MTA2: variants seen among roughly 807,000 people sequenced by gnomAD.
The protein encoded by MTA2 is metastasis associated 1 family member 2, also known as metastasis-associated protein MTA2.
Under a neutral mutation model 87.1 loss-of-function variants are expected in MTA2, and 22 were observed. The observed-to-expected ratio is 0.25, with a 90% CI of 0.18 to 0.36. MTA2 has a LOEUF of 0.36. Ranked by LOEUF, MTA2 falls within the 10% of genes least tolerant of loss-of-function variation. The pLI is 1.00. For missense variants in MTA2, 542 were observed against 853.2 expected (o/e 0.64, Z 4.54); for synonymous variants, 314 against 310.1 (o/e 1.01, Z -0.13).
chr11:62,596,696 G>C lies in MTA2; in HGVS notation c.823C>G (p.Leu275Val). 8 of 1,614,050 alleles carry C rather than the reference G, an allele frequency of 5.0e-6. No individual in the cohort carries two copies. Among genetic ancestry groups the C allele is most frequent in the Non-Finnish European group, 6.8e-6 (8 of 1,179,960 alleles). The change falls in exon 9 of 18, where the codon CTA becomes GTA. Residue 275 changes from leucine to valine, a missense_variant. Physicochemically the swap from Leu to Val is conservative, Grantham distance 32. Transcript: ENST00000278823. ...MEEWSASEAMLFEEALEKYGK... is the reference protein window; with the variant it reads ...MEEWSASEAMVFEEALEKYGK... The stretch of plus-strand genomic sequence containing the variant: ...TACTTCTCTAGGGCCTCCTCAAATA[G>C]CATGGCCTCTGAGGCTGACCATTCC...
chr11:62,595,309 G>T lies in MTA2; in HGVS notation c.1438C>A (p.Arg480=). ...RDLLQPRRAA[R]RPYAPINANA... Reference sequence around the variant, plus strand: ...GCATTGATAGGAGCATAAGGCCGTCGGGCGGCCCTCCTTGGCTGTAATAGG... The same window carrying T: ...GCATTGATAGGAGCATAAGGCCGTCTGGCGGCCCTCCTTGGCTGTAATAGG... The change falls in exon 14 of 18, where the codon CGA becomes AGA. Residue 480 remains arginine (R), a synonymous_variant. Transcript: ENST00000278823. The surrounding 1 kb of genome is among the most constrained non-coding windows in gnomAD (Gnocchi z 4.9). 6.2e-7 allele frequency: 1 copy of T among 1,614,180 alleles called. No homozygotes were observed.
chr11:62,595,918 A>G lies in MTA2; in HGVS notation c.1115-27T>C. On this transcript the variant is annotated intron_variant, in intron 12 of 17. Transcript: ENST00000278823. The surrounding 1 kb of genome is among the most constrained non-coding windows in gnomAD (Gnocchi z 4.9). ...TGTAGAGTACGGAGAGGAGGGGGAC[A>G]GGGAAGAAGCATACTACCTAAGCCC... 6.2e-7 allele frequency: 1 copy of G among 1,614,124 alleles called. No homozygotes were observed. Among genetic ancestry groups the G allele is most frequent in the Non-Finnish European group, 8.5e-7 (1 of 1,180,022 alleles).
At position 62,596,699 on chromosome 11, in the gene MTA2, T is replaced by C; in HGVS notation, c.820A>G (p.Met274Val). The change falls in exon 9 of 18, where the codon ATG (methionine) becomes GTG (valine). Residue 274 changes from methionine (M) to valine (V), a missense_variant. Coordinates refer to ENST00000278823, the MANE Select transcript of MTA2 (RefSeq NM_004739.4). ...EMEEWSASEAMLFEEALEKYG... is the reference protein window; with the variant it reads ...EMEEWSASEAVLFEEALEKYG... ...TTCTCTAGGGCCTCCTCAAATAGCATGGCCTCTGAGGCTGACCATTCCTCC... is the reference window on the plus strand; with the variant it reads ...TTCTCTAGGGCCTCCTCAAATAGCACGGCCTCTGAGGCTGACCATTCCTCC... 1.9e-6 allele frequency: 3 copies of C among 1,614,104 alleles called. No homozygotes were observed. The highest frequency in any genetic ancestry group is 2.5e-6 in the Non-Finnish European group (3 of 1,179,972).
At position 62,594,946 on chromosome 11, in the gene MTA2, G is replaced by T. The variant is rs748040459; in HGVS notation, c.1573+35C>A. 9 of 1,583,194 alleles carry T rather than the reference G, an allele frequency of 5.7e-6. No homozygotes were observed. In the African/African-American group the frequency reaches 1.2e-4, roughly 21 times the overall value. ...ATGTCAGACAGGGAAAGGACTGGGA[G>T]CCTGATGCCAACCTCACTGGTCCCC... On this transcript the variant is annotated intron_variant, in intron 15 of 17. Coordinates refer to ENST00000278823, the MANE Select transcript of MTA2 (RefSeq NM_004739.4).
At chr11:62,600,099 A>T in intron 3 of MTA2, 67 bp downstream of exon 3, 1 of 1,433,574 alleles carries the variant, frequency 7.0e-7, no homozygotes, top group Non-Finnish European at 9.8e-7. Context: ...CAGGGGAAAT[A>T]CCTGCAGGGA....
In MTA2 at chr11:62,601,743, C is replaced by A. The variant is rs1329754840; in HGVS notation, c.-293G>T. Reference sequence around the variant, plus strand: ...GGCCAGAGCCAGGCTCCAGCTACCCCCGCCCCCGCGGAGTCCCACTAGTCG... The same window carrying A: ...GGCCAGAGCCAGGCTCCAGCTACCCACGCCCCCGCGGAGTCCCACTAGTCG... On this transcript the variant is annotated 5_prime_UTR_variant, in exon 1 of 18. Coordinates refer to ENST00000278823, the MANE Select transcript of MTA2 (RefSeq NM_004739.4). The A allele has an allele frequency of 1.9e-6, 1 of 515,496 alleles. No individual in the cohort carries two copies. The allele number at this position is 515,496 out of a possible 1,614,324, so 31.9% of individuals were successfully genotyped here.
intron 7 of MTA2, 91 bp downstream of exon 7, chr11:62,597,519 A>C (rs1942115669): frequency 1.3e-6 from 2 of 1,497,326 alleles, no homozygotes; most frequent in Non-Finnish European, 1.8e-6. Flanking sequence ...CATGGCAATG[A>C]AAGAAATAAA....
At position 62,597,359 on chromosome 11, in the gene MTA2, C is replaced by A. The variant is rs1393526075; in HGVS notation, c.650G>T (p.Ser217Ile). 6.2e-7 allele frequency: 1 copy of A among 1,611,874 alleles called. No homozygotes were observed. Among genetic ancestry groups the A allele is most frequent in the African/African-American group, 1.3e-5 (1 of 74,806 alleles). The change falls in exon 8 of 18, where the codon AGC (serine) becomes ATC (isoleucine). Residue 217 changes from serine to isoleucine, a missense_variant. By Grantham distance (142) the Ser-to-Ile change is moderately radical (BLOSUM62 -2). Around this residue, in one of 6 missense-constraint regions of MTA2, gnomAD observed 44 missense variants for 104.8 expected, o/e 0.42. Transcript: ENST00000278823. ...LDCSSSIRQP[S>I]LHMSAAAASR... Reference sequence around the variant, plus strand: ...GGCAGCAGCTGCACTCATGTGCAAGCTTGGCTGCCGAATGGAGCTGCTACA... The same window carrying A: ...GGCAGCAGCTGCACTCATGTGCAAGATTGGCTGCCGAATGGAGCTGCTACA...
At position 62,595,047 on chromosome 11, in the gene MTA2, C is replaced by T. The variant is rs779567819; in HGVS notation, c.1507G>A (p.Ala503Thr). 59 of 1,613,956 alleles carry T rather than the reference C, an allele frequency of 3.7e-5. No individual in the cohort carries two copies. Among genetic ancestry groups the T allele is most frequent in the Non-Finnish European group, 3.8e-5 (45 of 1,180,024 alleles). ...GGGTGAATCTTCAATGGAGTCTTGG[C>T]GGCCTTAGGAAGTCGAATGGAGCCT... ...AECSIRLPKA[A>T]KTPLKIHPLV... is the part of the protein sequence containing the mutation. The change falls in exon 15 of 18, where the codon GCC becomes ACC. Residue 503 changes from alanine to threonine, a missense_variant. Coordinates refer to ENST00000278823, the MANE Select transcript of MTA2 (RefSeq NM_004739.4). The surrounding 1 kb of genome is among the most constrained non-coding windows in gnomAD (Gnocchi z 4.9).
intron 4 of MTA2, 37 bp from the exon 5 acceptor site, chr11:62,598,427 A>T (rs1427030915): frequency 3.7e-6 from 6 of 1,609,136 alleles, no homozygotes; most frequent in East Asian, 4.5e-5. Flanking sequence ...GGTGAGCCCC[A>T]CTCTCCCTCC....
At position 62,600,279 on chromosome 11, in the gene MTA2, AAAAAC is replaced by A. The variant is rs762480946; in HGVS notation, c.97-25_97-21del. The A allele has an allele frequency of 2.5e-6, 4 of 1,606,250 alleles. No individual in the cohort carries two copies. The highest frequency in any genetic ancestry group is 3.4e-6 in the Non-Finnish European group (4 of 1,173,068). On this transcript the variant is annotated intron_variant, in intron 2 of 17. Coordinates refer to ENST00000278823, the MANE Select transcript of MTA2 (RefSeq NM_004739.4). ...TGCAGTCTAAGGGGAGGAAAAAAAC[AAAAAC>A]AAAACAACGTAGCAGTGGAAATTGA...
At chr11:62,600,989 G>C (rs2098065967) in intron 1 of MTA2, 2 of 488,410 alleles carry the variant, frequency 4.1e-6, no homozygotes, top group South Asian at 2.6e-5. Context: ...CAGTCGCGGC[G>C]AAGTAATTGT....
chr11:62,600,516 C>A, intron 2 of MTA2, 106 bp downstream of exon 2: 1 of 1,075,004 alleles, frequency 9.3e-7, no homozygotes, highest in Non-Finnish European at 1.4e-6. Context: ...AATGAATGAA[C>A]GAATATGAAT....
In MTA2 at chr11:62,600,159, T is replaced by C; in HGVS notation, c.190+7A>G. On this transcript the variant is annotated splice_region_variant and intron_variant, in intron 3 of 17. Transcript: ENST00000278823. ...TAGGAGAAAAAGAAAGGGAGGAAGATACTCACTGGCATTACTATCAGCCAG... is the reference window on the plus strand; with the variant it reads ...TAGGAGAAAAAGAAAGGGAGGAAGACACTCACTGGCATTACTATCAGCCAG... 3 of 1,612,008 alleles carry C rather than the reference T, an allele frequency of 1.9e-6. No individual in the cohort carries two copies. Among genetic ancestry groups the C allele is most frequent in the African/African-American group, 1.3e-5 (1 of 74,948 alleles).
Position 62,593,669 on chromosome 11 carries a change from C to T in MTA2, c.*206G>A, listed in dbSNP as rs1452751261. On this transcript the variant is annotated 3_prime_UTR_variant, in exon 18 of 18. Coordinates refer to ENST00000278823, the MANE Select transcript of MTA2 (RefSeq NM_004739.4). The stretch of plus-strand genomic sequence containing the variant: ...CCCACATGGGCCAAGTTCCTGCAGT[C>T]TGTCCTCCATCGGCAAGCATGGAGG... The T allele has an allele frequency of 8.3e-6, 5 of 600,610 alleles. No homozygotes were observed. Among genetic ancestry groups the T allele is most frequent in the Admixed American group, 6.6e-5 (2 of 30,534 alleles). 37.2% of individuals were successfully genotyped at this position (600,610 alleles called of 1,614,324 possible).
In MTA2 at chr11:62,601,483, A is replaced by G; in HGVS notation, c.-33T>C. On this transcript the variant is annotated 5_prime_UTR_variant, in exon 1 of 18. Transcript: ENST00000278823. ...CCCGCCGCCGCCTCCGGCCGCACAA[A>G]GGGGTCCGGGAGGCTCGCGGGGGCA... 2 of 1,603,810 alleles carry G rather than the reference A, an allele frequency of 1.2e-6. No homozygotes were observed. The highest frequency in any genetic ancestry group is 1.7e-6 in the Non-Finnish European group (2 of 1,176,316).
chr11:62,594,978 T>C lies in MTA2; in HGVS notation c.1573+3A>G. 1 of 1,613,830 alleles carries C rather than the reference T, an allele frequency of 6.2e-7. No homozygotes were observed. The highest frequency in any genetic ancestry group is 8.5e-7 in the Non-Finnish European group (1 of 1,179,850). The stretch of plus-strand genomic sequence containing the variant: ...GCCAACCTCACTGGTCCCCATCCCA[T>C]ACCCAGATCTTTGACGATAGTTGCC... On this transcript the variant is annotated splice_donor_region_variant and intron_variant, in intron 15 of 17. Transcript: ENST00000278823.
chr11:62,600,939 T>G, intron 1 of MTA2: 2 of 516,018 alleles, frequency 3.9e-6, no homozygotes, highest in East Asian at 3.4e-5. Flanking sequence ...GAAGCAGGGG[T>G]TCCCCTGCAG....
intron 3 of MTA2, chr11:62,599,325 T>G (rs554702861): frequency 1.3e-5 from 2 of 152,468 alleles, no homozygotes; most frequent in South Asian, 4.1e-4. Context: ...TGCAGTAGGC[T>G]CCACCCCTCG....
Sources: allele counts gnomAD v4.1 joint callset, GRCh38; gene constraint gnomAD v4.1.1; regional missense constraint gnomAD v4.1.1; non-coding constraint Gnocchi (gnomAD v3.1); transcripts MANE v1.5; gene names NCBI Gene and HGNC (gene_info 2026-07-23, HGNC 2026-07-21).